Variants in RGS6 observed in about 807,000 individuals in gnomAD.
The protein encoded by RGS6 is regulator of G protein signaling 6, also known as regulator of G-protein signaling 6.
RGS6 carries 30 observed loss-of-function variants against 78.5 expected under a neutral mutation model. The observed-to-expected ratio is 0.38, with a 90% CI of 0.29 to 0.52. The LOEUF (loss-of-function observed/expected upper bound fraction) is 0.52. Ranked by LOEUF, RGS6 falls within the 20% of genes least tolerant of loss-of-function variation. RGS6 has a pLI of 0.85. For synonymous variants in RGS6, 206 were observed against 206.0 expected, an observed-to-expected ratio of 1.00 and a Z score of 0.00; for missense variants, 495 against 609.7, an observed-to-expected ratio of 0.81 and a Z score of 1.98.
At chr14:72,437,541 C>T (rs1011456396) in intron 3 of RGS6, among the ~76,000 whole-genome samples, 3 of 151,974 alleles carry the variant, frequency 2.0e-5, no homozygotes, top group Non-Finnish European at 4.4e-5. Context: ...TGCAAGTAAC[C>T]AGCACCTGGG....
At chr14:72,442,923 C>T (rs1409515708) in intron 3 of RGS6, among the ~76,000 whole-genome samples, 1 of 152,210 alleles carries the variant, frequency 6.6e-6, no homozygotes, top group African/African-American at 2.4e-5. Context: ...AGATCCCACA[C>T]TGAGGGAGAA....
intron 3 of RGS6, among the ~76,000 whole-genome samples, chr14:72,390,475 T>A (rs2089665072): frequency 6.6e-6 from 1 of 151,958 alleles, no homozygotes; most frequent in Non-Finnish European, 1.5e-5. Context: ...TCATTATAGA[T>A]GGGACAAAAA....
rs1235731087 is a variant in RGS6 at position 72,562,727 on chromosome 14, A to T, written c.*260A>T. 1 of 1,535,922 alleles carries T rather than the reference A, an allele frequency of 6.5e-7. No homozygotes were observed. Among genetic ancestry groups the T allele is most frequent in the Admixed American group, 2.0e-5 (1 of 50,990 alleles). ...CTTCTTTGTACAGTTGTATTCCAAC[A>T]CTCCACTCGCTAAGAGGCCCTGATC... On this transcript the variant is annotated 3_prime_UTR_variant, in exon 18 of 18. Transcript: ENST00000553525.
intron 3 of RGS6, among the ~76,000 whole-genome samples, chr14:72,393,630 G>C (rs1394630817): frequency 6.6e-6 from 1 of 152,124 alleles, no homozygotes; most frequent in South Asian, 2.1e-4. Context: ...AGAAGAGTGA[G>C]AAACACACAT....
chr14:71,984,069 G>T (rs2094577170), intron 2 of RGS6, among the ~76,000 whole-genome samples: 1 of 152,044 alleles, frequency 6.6e-6, no homozygotes, highest in Non-Finnish European at 1.5e-5. Context: ...AATAAGCTTT[G>T]GTTGGCCACC....
intron 2 of RGS6, among the ~76,000 whole-genome samples, chr14:72,274,163 G>A (rs2060334069): frequency 6.6e-6 from 1 of 152,136 alleles, no homozygotes; most frequent in African/African-American, 2.4e-5. Context: ...TTTCCTCCAG[G>A]CAGATCTACA....
intron 2 of RGS6, among the ~76,000 whole-genome samples, chr14:71,977,521 TC>T (rs1444515172): frequency 6.7e-6 from 1 of 149,616 alleles, no homozygotes; most frequent in Non-Finnish European, 1.5e-5. Context: ...AAATAGGGAA[TC>T]CTTTCTCCAT....
intron 3 of RGS6, among the ~76,000 whole-genome samples, chr14:72,372,966 T>C (rs1478513605): frequency 6.6e-6 from 1 of 152,148 alleles, no homozygotes; most frequent in Non-Finnish European, 1.5e-5. Flanking sequence ...GCCCATATTG[T>C]AGTGTGATGC....
intron 17 of RGS6, chr14:72,541,052 CCGCTCAATCA>C (rs764611904): frequency 4.5e-6 from 6 of 1,335,352 alleles, no homozygotes; most frequent in Non-Finnish European, 5.9e-6. Context: ...ATACTCAATC[CCGCTCAATCA>C]CGGGGCCCAT....
intron 2 of RGS6, among the ~76,000 whole-genome samples, chr14:71,979,756 TTCTGTAGATGTCTATTAGG>T (rs1406100787): frequency 2.6e-5 from 4 of 151,998 alleles, no homozygotes; most frequent in Non-Finnish European, 5.9e-5. Context: ...GGGTGGAGAG[TTCTGTAGATGTCTATTAGG>T]TCTGCTTGGT....
chr14:72,169,895 A>G (rs1376295145), intron 2 of RGS6, among the ~76,000 whole-genome samples: 1 of 152,120 alleles, frequency 6.6e-6, no homozygotes, highest in Non-Finnish European at 1.5e-5. Context: ...CCGAATCTGC[A>G]TTTTACCAAG....
At chr14:72,206,413 GA>G (rs1039300455) in intron 2 of RGS6, among the ~76,000 whole-genome samples, 2 of 152,050 alleles carry the variant, frequency 1.3e-5, no homozygotes, top group African/African-American at 4.8e-5. Flanking sequence ...ACTTCTATAG[GA>G]AAAGATATAT....
intron 2 of RGS6, among the ~76,000 whole-genome samples, chr14:72,025,985 G>T (rs987699983): frequency 6.6e-6 from 1 of 152,160 alleles, no homozygotes; most frequent in South Asian, 2.1e-4. Flanking sequence ...TAATGAGCAG[G>T]ATGAATAAAA....
At chr14:72,071,059 G>A (rs1046389663) in intron 2 of RGS6, among the ~76,000 whole-genome samples, 1 of 151,876 alleles carries the variant, frequency 6.6e-6, no homozygotes, top group Non-Finnish European at 1.5e-5. Context: ...CCAGCTGGAT[G>A]TAGTCGCCTT....
At chr14:72,393,746 CT>C in intron 3 of RGS6, among the ~76,000 whole-genome samples, 1 of 152,308 alleles carries the variant, frequency 6.6e-6, no homozygotes, top group South Asian at 2.1e-4. Context: ...CGCCTACAGC[CT>C]TAACACCTCC....
At chr14:72,432,930 C>T (rs911344876) in intron 3 of RGS6, among the ~76,000 whole-genome samples, 1 of 152,196 alleles carries the variant, frequency 6.6e-6, no homozygotes, top group African/African-American at 2.4e-5. Flanking sequence ...GAGTGTCACA[C>T]ACCATTCTAA....
chr14:71,926,969 A>G, the RGS6 span, among the ~76,000 whole-genome samples: 1 of 152,218 alleles, frequency 6.6e-6, no homozygotes, highest in Non-Finnish European at 1.5e-5. Flanking sequence ...TCTAGCAGGA[A>G]GGGGACAGAG....
intron 17 of RGS6, among the ~76,000 whole-genome samples, chr14:72,554,828 T>G (rs1236192267): frequency 6.6e-6 from 1 of 152,216 alleles, no homozygotes; most frequent in East Asian, 1.9e-4. Flanking sequence ...GATGCACAAC[T>G]TGGACGCGAG....
chr14:72,493,002 G>T (rs562979575), intron 12 of RGS6, among the ~76,000 whole-genome samples: 1 of 152,014 alleles, frequency 6.6e-6, no homozygotes, highest in Non-Finnish European at 1.5e-5. Flanking sequence ...AAAAATAGAC[G>T]CCCCAGAGGA....
Sources: allele counts gnomAD v4.1 joint callset (sites outside exome capture counted in the v4.1 genomes callset), GRCh38; gene constraint gnomAD v4.1.1; transcripts MANE v1.5; gene names NCBI Gene and HGNC (gene_info 2026-07-23, HGNC 2026-07-21).